EIF2AK2: variants seen among roughly 807,000 people sequenced by gnomAD.
EIF2AK2 encodes eukaryotic translation initiation factor 2 alpha kinase 2.
A neutral mutation model predicts 70.5 loss-of-function variants in EIF2AK2; 40 were observed. That is an observed-to-expected ratio of 0.57 (90% confidence interval 0.44 to 0.74). The LOEUF (loss-of-function observed/expected upper bound fraction) is 0.74, where lower values mean the gene tolerates loss of function less well. Among genes scored for constraint, EIF2AK2 ranks in the 30% least tolerant of loss-of-function variants. The pLI, the probability that EIF2AK2 is intolerant of heterozygous loss-of-function variation, is 0.00. For missense variants in EIF2AK2, 555 were observed against 644.3 expected, an observed-to-expected ratio of 0.86 and a Z score of 1.50; for synonymous variants, 198 against 220.9, an observed-to-expected ratio of 0.90 and a Z score of 0.92.
At chr2:37,119,739 A>G (rs1674470274) in intron 13 of EIF2AK2, among the ~76,000 whole-genome samples, 1 of 151,278 alleles carries the variant, frequency 6.6e-6, no homozygotes. Flanking sequence ...TTACAGGCGC[A>G]CGCCACCATG....
Position 37,126,464 on chromosome 2 carries a change from C to A in EIF2AK2, c.786-53G>T, listed in dbSNP as rs923876596. 8.9e-6 allele frequency: 14 copies of A among 1,574,776 alleles called. No homozygotes were observed. In the Middle Eastern group the frequency reaches 8.4e-4, roughly 95 times the overall value. On this transcript the variant is annotated intron_variant, in intron 10 of 16. Transcript: ENST00000233057. ...GACATTTCATGCTCAACCCCCACCCCCCCGCCTCCCCACTCCTTTCCCTTT... is the reference window on the plus strand; with the variant it reads ...GACATTTCATGCTCAACCCCCACCCACCCGCCTCCCCACTCCTTTCCCTTT...
chr2:37,148,605 G>C, intron 2 of EIF2AK2: 1 of 842,868 alleles, frequency 1.2e-6, no homozygotes, highest in Non-Finnish European at 2.1e-6. Context: ...TGTCACACAG[G>C]TTTTAAGATG....
intron 10 of EIF2AK2, among the ~76,000 whole-genome samples, chr2:37,130,388 G>A (rs1674898282): frequency 6.6e-6 from 1 of 152,006 alleles, no homozygotes; most frequent in African/African-American, 2.4e-5. Context: ...CAGGCGTGAG[G>A]CACCGACCTG....
intron 14 of EIF2AK2, among the ~76,000 whole-genome samples, chr2:37,110,506 G>A (rs994066912): frequency 5.9e-5 from 9 of 152,058 alleles, no homozygotes; most frequent in Non-Finnish European, 1.0e-4. Context: ...CAGGATGCAG[G>A]AGATACTGAA....
intron 2 of EIF2AK2, 170 bp downstream of exon 2, chr2:37,148,687 T>A: frequency 1.2e-6 from 1 of 813,704 alleles, no homozygotes; most frequent in Non-Finnish European, 2.2e-6. Context: ...CTAGGAACAA[T>A]ACAATTTGCT....
chr2:37,143,222 C>CAAAAAAAA (rs34947987), intron 4 of EIF2AK2, among the ~76,000 whole-genome samples: 1 of 112,222 alleles, frequency 8.9e-6, no homozygotes, highest in Non-Finnish European at 1.9e-5. Flanking sequence ...GACTCTGTCT[C>CAAAAAAAA]AAAAAAAAAA....
rs1371965073 is a variant in EIF2AK2, at chr2:37,100,315, A to T, written c.*6958T>A. The T allele has an allele frequency of 1.3e-5, 2 of 152,356 alleles. No individual in the cohort carries two copies. The highest frequency in any genetic ancestry group is 2.4e-5 in the African/African-American group (1 of 41,584). 9.4% of individuals were successfully genotyped at this position (152,356 alleles called of 1,614,324 possible). ...GGCCTTGCCCAGTGAACTGCAGCCC[A>T]GTGAATCTCATTTTAGACTTCTGGC... On this transcript the variant is annotated 3_prime_UTR_variant, in exon 17 of 17. Coordinates refer to ENST00000233057, the MANE Select transcript of EIF2AK2 (RefSeq NM_001135651.3).
chr2:37,136,851 A>G, intron 9 of EIF2AK2, 132 bp downstream of exon 9: 1 of 775,514 alleles, frequency 1.3e-6, no homozygotes, highest in Non-Finnish European at 1.9e-6. Context: ...ATTTGTTTAT[A>G]GATTTCAAGC....
At chr2:37,109,050 C>A in intron 15 of EIF2AK2, 144 bp downstream of exon 15, 1 of 722,648 alleles carries the variant, frequency 1.4e-6, no homozygotes, top group East Asian at 2.8e-5. Context: ...CCTTGAAAGA[C>A]AGAAAATTCA....
At position 37,100,390 on chromosome 2, in the gene EIF2AK2, T is replaced by C. The variant is rs1248362014; in HGVS notation, c.*6883A>G. ...GTGTGTTGTTTTAAACCACCAAGTTTGTGGTAATTTGTTAGTTATAGCAGC... is the reference window on the plus strand; with the variant it reads ...GTGTGTTGTTTTAAACCACCAAGTTCGTGGTAATTTGTTAGTTATAGCAGC... On this transcript the variant is annotated 3_prime_UTR_variant, in exon 17 of 17. Coordinates refer to ENST00000233057, the MANE Select transcript of EIF2AK2 (RefSeq NM_001135651.3). The C allele has an allele frequency of 1.3e-5, 2 of 152,324 alleles. No individual in the cohort carries two copies. The highest frequency in any genetic ancestry group is 3.9e-4 in the East Asian group (2 of 5,190). 9.4% of individuals were successfully genotyped at this position (152,324 alleles called of 1,614,324 possible).
rs1409585641 is a variant in EIF2AK2 at position 37,105,387 on chromosome 2, C to T, written c.*1886G>A. On this transcript the variant is annotated 3_prime_UTR_variant, in exon 17 of 17. Transcript: ENST00000233057. ...GGAGGAGAAGCAAGGAGTTCTCAAT[C>T]TATTAGTTCCCTCAAGAGCCGGTTA... 1 of 152,168 alleles carries T rather than the reference C, an allele frequency of 6.6e-6. No individual in the cohort carries two copies. Among genetic ancestry groups the T allele is most frequent in the East Asian group, 1.9e-4 (1 of 5,168 alleles). 9.4% of individuals were successfully genotyped at this position (152,168 alleles called of 1,614,324 possible).
intron 13 of EIF2AK2, among the ~76,000 whole-genome samples, chr2:37,119,707 T>C (rs1674468608): frequency 6.6e-6 from 1 of 151,562 alleles, no homozygotes; most frequent in African/African-American, 2.4e-5. Flanking sequence ...ATCTCCTGCC[T>C]CAGCCTCCCG....
rs890666375 is a variant in EIF2AK2 at position 37,101,691 on chromosome 2, C to T, written c.*5582G>A. ...GAAATTCCACAGGACAAATAAAAGC[C>T]GAAAAGAACTAAAACGCAGGGGTAA... On this transcript the variant is annotated 3_prime_UTR_variant, in exon 17 of 17. Transcript: ENST00000233057. The T allele has an allele frequency of 4.0e-5, 6 of 151,854 alleles. No homozygotes were observed. Among genetic ancestry groups the T allele is most frequent in the Admixed American group, 2.0e-4 (3 of 15,254 alleles). The allele number at this position is 151,854 out of a possible 1,614,324, so 9.4% of individuals were successfully genotyped here.
Position 37,109,268 on chromosome 2 carries a change from C to G in EIF2AK2, c.1405G>C (p.Val469Leu), listed in dbSNP as rs977281418. 6.2e-7 allele frequency: 1 copy of G among 1,614,138 alleles called. No homozygotes were observed. Among genetic ancestry groups the G allele is most frequent in the Admixed American group, 1.7e-5 (1 of 60,020 alleles). The part of the protein sequence containing the change: ...QISSQDYGKE[V>L]DLYALGLILA... Reference sequence around the variant, plus strand: ...ATTAGCCCCAAAGCGTAGAGGTCCACTTCCTTTCCATAGTCTTGCGAAGAA... The same window carrying G: ...ATTAGCCCCAAAGCGTAGAGGTCCAGTTCCTTTCCATAGTCTTGCGAAGAA... Residue 469 changes from valine (V) to leucine (L), a missense_variant, in exon 15 of 17, where the codon GTG becomes CTG. By Grantham distance (32) the Val-to-Leu change is conservative (BLOSUM62 1). Around this residue, in one of 3 missense-constraint regions of EIF2AK2, gnomAD observed 299 missense variants for 375.4 expected, o/e 0.80. Coordinates refer to ENST00000233057, the MANE Select transcript of EIF2AK2 (RefSeq NM_001135651.3).
intron 14 of EIF2AK2, 130 bp downstream of exon 14, chr2:37,114,601 G>C: frequency 1.3e-6 from 1 of 741,818 alleles, no homozygotes; most frequent in Non-Finnish European, 1.9e-6. Context: ...AATAGGGGTA[G>C]AAAAGAATGG....
chr2:37,135,671 C>T (rs1307991298), intron 9 of EIF2AK2, 125 bp from the exon 10 acceptor site: 1 of 787,978 alleles, frequency 1.3e-6, no homozygotes. Flanking sequence ...CCCCATCTCC[C>T]AGCCTGGAGT....
At chr2:37,122,173 T>C (rs1183416115) in intron 12 of EIF2AK2, among the ~76,000 whole-genome samples, 1 of 152,114 alleles carries the variant, frequency 6.6e-6, no homozygotes, top group Non-Finnish European at 1.5e-5. Context: ...GTTAAAACTC[T>C]CTTCACAAGA....
At chr2:37,151,676 GAAAC>G (rs959132589) in intron 1 of EIF2AK2, among the ~76,000 whole-genome samples, 2 of 152,162 alleles carry the variant, frequency 1.3e-5, no homozygotes, top group Admixed American at 1.3e-4. Flanking sequence ...CCAAAAGGTG[GAAAC>G]AAACCAAGTG....
chr2:37,142,487 CT>C (rs963013990), intron 4 of EIF2AK2, among the ~76,000 whole-genome samples: 90 of 149,218 alleles, frequency 6.0e-4, no homozygotes, highest in South Asian at 1.1e-3. Context: ...TTTTATTGAT[CT>C]TTTTTTTTTA....
Sources: allele counts gnomAD v4.1 joint callset (sites outside exome capture counted in the v4.1 genomes callset), GRCh38; gene constraint gnomAD v4.1.1; regional missense constraint gnomAD v4.1.1; transcripts MANE v1.5; gene names NCBI Gene and HGNC (gene_info 2026-07-23, HGNC 2026-07-21).